NUP133: variants seen among roughly 807,000 people sequenced by gnomAD.
NUP133 encodes the protein nuclear pore complex protein Nup133.
NUP133 carries 66 observed loss-of-function variants against 146.2 expected under a neutral mutation model. That is an observed-to-expected ratio of 0.45 (90% CI 0.37 to 0.55). The LOEUF (loss-of-function observed/expected upper bound fraction) is 0.55, where lower values mean the gene tolerates loss of function less well. Among genes scored for constraint, NUP133 ranks in the 20% least tolerant of loss-of-function variants. NUP133 has a pLI of 0.00. For synonymous variants in NUP133, 521 were observed against 498.8 expected (o/e 1.04, Z -0.59); for missense variants, 1,277 against 1,374.8 (o/e 0.93, Z 1.12).
At chr1:229,491,645 G>C (rs997713287) in intron 8 of NUP133, among the ~76,000 whole-genome samples, 1 of 152,200 alleles carries the variant, frequency 6.6e-6, no homozygotes, top group Non-Finnish European at 1.5e-5. Context: ...CAGCATGGTG[G>C]CGTGTGCCTG....
intron 12 of NUP133, among the ~76,000 whole-genome samples, chr1:229,478,534 G>A (rs1013842342): frequency 6.6e-6 from 1 of 152,112 alleles, no homozygotes; most frequent in Non-Finnish European, 1.5e-5. Context: ...AGAGAACTGA[G>A]GCTACGGGAG....
rs182488043 is a variant in NUP133, at chr1:229,504,740, C to T, written c.301+1300G>A. On this transcript the variant is annotated intron_variant, in intron 2 of 25. Transcript: ENST00000261396. ...ACTGAATTTTGCATATACAGTATTT[C>T]CCCCTTTTATCTGCAGTTTCAAATA... Among the ~76,000 whole-genome samples the T allele has an allele frequency of 5.1e-4, 78 of 152,278 alleles. 1 individual carries two copies. In the East Asian group the frequency reaches 0.014, roughly 28 times the overall value.
chr1:229,447,929 C>T (rs1211903651), intron 24 of NUP133, among the ~76,000 whole-genome samples: 2 of 152,196 alleles, frequency 1.3e-5, no homozygotes, highest in African/African-American at 2.4e-5. Context: ...GTCACAGTGA[C>T]CCCACTGATA....
intron 24 of NUP133, among the ~76,000 whole-genome samples, chr1:229,446,796 G>A (rs184858601): frequency 4.6e-5 from 7 of 151,656 alleles, no homozygotes; most frequent in South Asian, 2.1e-4. Context: ...TCATAGCTTC[G>A]AGTCTCGTTT....
At chr1:229,493,881 C>A (rs975150670) in intron 8 of NUP133, among the ~76,000 whole-genome samples, 2 of 152,180 alleles carry the variant, frequency 1.3e-5, no homozygotes, top group African/African-American at 4.8e-5. Context: ...ACCTGCAATC[C>A]CACTACTTTG....
At chr1:229,453,964 T>A (rs78266630) in intron 21 of NUP133, among the ~76,000 whole-genome samples, 2,558 of 152,292 alleles carry the variant, frequency 0.017, 74 homozygotes, top group African/African-American at 0.058. Flanking sequence ...ACATGGTGTA[T>A]ATCTATGAGT....
At chr1:229,487,396 G>T (rs1661380922) in intron 10 of NUP133, 70 bp downstream of exon 10, 1 of 1,446,212 alleles carries the variant, frequency 6.9e-7, no homozygotes, top group Non-Finnish European at 9.5e-7. Context: ...GACATTCAGG[G>T]AAAGAGAAAA....
chr1:229,475,449 T>G (rs1426049479), intron 14 of NUP133, among the ~76,000 whole-genome samples, 189 bp downstream of exon 14: 1 of 152,202 alleles, frequency 6.6e-6, no homozygotes, highest in African/African-American at 2.4e-5. Context: ...GAAGTCCTGC[T>G]TCTTATACCT....
intron 8 of NUP133, 74 bp from the exon 9 acceptor site, chr1:229,490,176 T>C (rs1558104964): frequency 6.2e-6 from 8 of 1,295,686 alleles, no homozygotes; most frequent in Admixed American, 3.1e-5. Context: ...ATTAAACATA[T>C]GCTTCCATAT....
chr1:229,475,618 C>T lies in NUP133; in HGVS notation c.1851+20G>A. ...GACTGCCAAAGGCAGAGCCCTGTGC[C>T]CAGCACCCTGCGCTCTTACTTGATG... On this transcript the variant is annotated intron_variant, in intron 14 of 25. Transcript: ENST00000261396. 6.3e-7 allele frequency: 1 copy of T among 1,584,096 alleles called. No individual in the cohort carries two copies. Among genetic ancestry groups the T allele is most frequent in the Non-Finnish European group, 8.7e-7 (1 of 1,152,696 alleles).
At chr1:229,473,993 T>C (rs181683527) in intron 14 of NUP133, among the ~76,000 whole-genome samples, 1 of 152,348 alleles carries the variant, frequency 6.6e-6, no homozygotes, top group African/African-American at 2.4e-5. Flanking sequence ...TGACTTGCTT[T>C]GACCAATGTC....
At chr1:229,507,228 A>G (rs1244685389) in intron 1 of NUP133, among the ~76,000 whole-genome samples, 1 of 152,212 alleles carries the variant, frequency 6.6e-6, no homozygotes, top group Non-Finnish European at 1.5e-5. Flanking sequence ...ATGCCAAAAA[A>G]AGTCAAAGAT....
At chr1:229,499,864 C>A in intron 4 of NUP133, 46 bp from the exon 5 acceptor site, 2 of 1,574,192 alleles carry the variant, frequency 1.3e-6, no homozygotes, top group Admixed American at 1.8e-5. Context: ...AAAAGAGGAA[C>A]CCAAAAACCA....
intron 1 of NUP133, among the ~76,000 whole-genome samples, chr1:229,507,349 T>A (rs1026654758): frequency 6.6e-6 from 1 of 152,174 alleles, no homozygotes; most frequent in Admixed American, 6.5e-5. Context: ...CAGGGAAAAA[T>A]TCATTTTTTA....
intron 10 of NUP133, 88 bp from the exon 11 acceptor site, chr1:229,486,616 T>C (rs1303888814): frequency 7.9e-7 from 1 of 1,267,994 alleles, no homozygotes; most frequent in Non-Finnish European, 1.1e-6. Context: ...GAAAATCATC[T>C]TGATGATATA....
chr1:229,452,278 A>G (rs920007049), intron 22 of NUP133, among the ~76,000 whole-genome samples: 2 of 152,204 alleles, frequency 1.3e-5, no homozygotes, highest in Non-Finnish European at 2.9e-5. Context: ...AAATATAAGT[A>G]ATTTCTCCTG....
In NUP133 at chr1:229,508,266, G is replaced by T; in HGVS notation, c.-17C>A. ...TGGGAACATGACTCCAAGGAGCAGCGACTAGGACAGCGAGGGATCTGGCCG... is the reference window on the plus strand; with the variant it reads ...TGGGAACATGACTCCAAGGAGCAGCTACTAGGACAGCGAGGGATCTGGCCG... On this transcript the variant is annotated 5_prime_UTR_variant, in exon 1 of 26. Transcript: ENST00000261396. 1 of 1,464,996 alleles carries T rather than the reference G, an allele frequency of 6.8e-7. No homozygotes were observed. The allele number at this position is 1,464,996 out of a possible 1,614,324, so 90.7% of individuals were successfully genotyped here.
At chr1:229,500,502 T>C (rs1056137890) in intron 4 of NUP133, among the ~76,000 whole-genome samples, 1 of 152,210 alleles carries the variant, frequency 6.6e-6, no homozygotes, top group African/African-American at 2.4e-5. Flanking sequence ...AGAAAAATCA[T>C]CGTCAAAAAC....
intron 8 of NUP133, among the ~76,000 whole-genome samples, chr1:229,494,129 CA>C (rs201446440): frequency 6.8e-6 from 1 of 146,722 alleles, no homozygotes; most frequent in South Asian, 2.2e-4. Flanking sequence ...GACTCAGTCT[CA>C]AAAAAAAATA....
Sources: gnomAD v4.1 joint callset for allele counts (sites outside exome capture counted in the v4.1 genomes callset) on GRCh38, gnomAD v4.1.1 for gene constraint, MANE v1.5 for transcripts, NCBI Gene and HGNC (gene_info 2026-07-23, HGNC 2026-07-21) for gene names.